Variants in IPCEF1 observed in about 807,000 individuals in gnomAD.
The protein encoded by IPCEF1 is interactor protein for cytohesin exchange factors 1.
Under a neutral mutation model 50.9 loss-of-function variants are expected in IPCEF1, and 31 were observed. That is an observed-to-expected ratio of 0.61 (90% CI 0.46 to 0.82). The LOEUF is 0.82. IPCEF1 is among the 40% of genes least tolerant of loss of function. The pLI is 0.00. For synonymous variants in IPCEF1, 181 were observed against 192.0 expected (o/e 0.94, Z 0.47); for missense variants, 458 against 514.0 (o/e 0.89, Z 1.05).
At chr6:154,176,497 GC>G (rs573017812) in intron 10 of IPCEF1, among the ~76,000 whole-genome samples, 257 of 152,182 alleles carry the variant, frequency 1.7e-3, no homozygotes, top group African/African-American at 5.7e-3. Flanking sequence ...AAATCAATGT[GC>G]AAAAATCACA....
At chr6:154,268,921 C>A (rs1369079869) in intron 2 of IPCEF1, among the ~76,000 whole-genome samples, 1 of 152,146 alleles carries the variant, frequency 6.6e-6, no homozygotes, top group African/African-American at 2.4e-5. Context: ...TGGGAGAGAT[C>A]GATCCCCTTT....
Position 154,355,814 on chromosome 6 carries a change from C to CT in IPCEF1, c.-62+857dup, listed in dbSNP as rs75948011. Among the ~76,000 whole-genome samples, 1,185 of 146,342 alleles carry CT rather than the reference C, an allele frequency of 8.1e-3. 6 individuals carry two copies. Among genetic ancestry groups the CT allele is most frequent in the Middle Eastern group, 0.032 (9 of 284 alleles). Reference sequence around the variant, plus strand: ...TTCTATTTTCTATTTTCTTTTCTTTCTTTTTTTTTTTCTTCCTGTAGAGAT... The same window carrying CT: ...TTCTATTTTCTATTTTCTTTTCTTTCTTTTTTTTTTTTCTTCCTGTAGAGAT... On this transcript the variant is annotated intron_variant, in intron 1 of 11. Transcript: ENST00000367220.
chr6:154,241,931 G>A (rs780261852), intron 5 of IPCEF1, among the ~76,000 whole-genome samples: 107 of 152,132 alleles, frequency 7.0e-4, no homozygotes, highest in Non-Finnish European at 1.1e-3. Flanking sequence ...GCAGCCTGGG[G>A]AAAAGAGCCT....
At chr6:154,284,792 G>A (rs1304098619) in intron 2 of IPCEF1, among the ~76,000 whole-genome samples, 3 of 152,156 alleles carry the variant, frequency 2.0e-5, no homozygotes, top group Non-Finnish European at 4.4e-5. Flanking sequence ...ACAAGGTCAG[G>A]AGATCAAGAC....
intron 2 of IPCEF1, among the ~76,000 whole-genome samples, chr6:154,287,158 TC>T (rs1028586795): frequency 1.1e-5 from 1 of 91,434 alleles, no homozygotes. Context: ...TGCCCTTCTC[TC>T]CCTCTCTCTC....
intron 11 of IPCEF1, among the ~76,000 whole-genome samples, 192 bp downstream of exon 11, chr6:154,167,718 AACTGCCTTGG>A (rs561976699): frequency 1.0e-3 from 155 of 152,266 alleles, no homozygotes; most frequent in African/African-American, 3.3e-3. Context: ...TATTGTGAAA[AACTGCCTTGG>A]GCGCTACTGT....
intron 9 of IPCEF1, among the ~76,000 whole-genome samples, chr6:154,205,633 T>G (rs1263162237): frequency 6.6e-6 from 1 of 152,100 alleles, no homozygotes; most frequent in African/African-American, 2.4e-5. Context: ...ACACATTAAT[T>G]TATTATGTAT....
chr6:154,295,000 C>T (rs1381657687), intron 1 of IPCEF1, among the ~76,000 whole-genome samples: 1 of 152,126 alleles, frequency 6.6e-6, no homozygotes, highest in African/African-American at 2.4e-5. Flanking sequence ...AGATCGAGAC[C>T]AGCCTGGCTA....
intron 3 of IPCEF1, among the ~76,000 whole-genome samples, chr6:154,260,190 G>A (rs1263448501): frequency 2.6e-5 from 4 of 152,304 alleles, no homozygotes; most frequent in Admixed American, 2.0e-4. Flanking sequence ...ACAGGTGAGA[G>A]TCCAGGCAAC....
intron 1 of IPCEF1, among the ~76,000 whole-genome samples, chr6:154,329,723 A>T (rs537969485): frequency 2.6e-5 from 4 of 150,968 alleles, no homozygotes; most frequent in Admixed American, 6.6e-5. Context: ...AGAAAGTGAA[A>T]TTTTTTTTTT....
intron 5 of IPCEF1, among the ~76,000 whole-genome samples, chr6:154,238,169 T>C (rs1780289672): frequency 6.6e-6 from 1 of 152,228 alleles, no homozygotes; most frequent in African/African-American, 2.4e-5. Context: ...TATGATATTA[T>C]TTTATTTTTG....
At chr6:154,204,695 A>T (rs1777342388) in intron 9 of IPCEF1, among the ~76,000 whole-genome samples, 1 of 152,158 alleles carries the variant, frequency 6.6e-6, no homozygotes, top group Non-Finnish European at 1.5e-5. Flanking sequence ...GTACCATTCT[A>T]GTGGCTTCCT....
At chr6:154,186,183 C>T (rs1445313773) in intron 10 of IPCEF1, among the ~76,000 whole-genome samples, 1 of 152,256 alleles carries the variant, frequency 6.6e-6, no homozygotes, top group African/African-American at 2.4e-5. Context: ...TCCACACAGA[C>T]TTGACTTCTC....
rs986530401 is a variant in IPCEF1 at position 154,311,106 on chromosome 6, C to T, written c.-61-21350G>A. Among the ~76,000 whole-genome samples, 5 of 152,206 alleles carry T rather than the reference C, an allele frequency of 3.3e-5. No individual in the cohort carries two copies. The South Asian group carries it at 1.0e-3, about 32-fold the overall frequency. On this transcript the variant is annotated intron_variant, in intron 1 of 11. Coordinates refer to ENST00000367220, the MANE Select transcript of IPCEF1 (RefSeq NM_001130700.2). ...AATGTATACATAAATCAAAACAACA[C>T]ATTGTAACCCATAAATATGCACAAT...
At chr6:154,331,411 G>GAGAGAGAGAA (rs1554225615) in intron 1 of IPCEF1, among the ~76,000 whole-genome samples, 30 of 121,636 alleles carry the variant, frequency 2.5e-4, no homozygotes, top group East Asian at 1.4e-3. Flanking sequence ...AAGAAAGAGA[G>GAGAGAGAGAA]AGAAAAAGAA....
At chr6:154,307,894 C>G (rs1429620698) in intron 1 of IPCEF1, among the ~76,000 whole-genome samples, 1 of 152,194 alleles carries the variant, frequency 6.6e-6, no homozygotes, top group African/African-American at 2.4e-5. Flanking sequence ...TCCAACTTGG[C>G]ATCCTCACAT....
intron 1 of IPCEF1, among the ~76,000 whole-genome samples, chr6:154,331,925 G>C (rs1409231472): frequency 6.6e-6 from 1 of 152,086 alleles, no homozygotes; most frequent in Non-Finnish European, 1.5e-5. Context: ...TAGGGCACTT[G>C]GTTTTCTCAA....
chr6:154,329,530 G>A (rs138917821), intron 1 of IPCEF1, among the ~76,000 whole-genome samples: 3,204 of 151,844 alleles, frequency 0.021, 60 homozygotes, highest in Non-Finnish European at 0.032. Context: ...CCAGGAGGCT[G>A]CAGTGAGCCA....
intron 2 of IPCEF1, among the ~76,000 whole-genome samples, chr6:154,272,312 T>C (rs1781919683): frequency 6.6e-6 from 1 of 152,248 alleles, no homozygotes; most frequent in Non-Finnish European, 1.5e-5. Context: ...CTAAAGGGAT[T>C]GAACAAGTGT....
Sources: allele counts gnomAD v4.1 joint callset (sites outside exome capture counted in the v4.1 genomes callset), GRCh38; gene constraint gnomAD v4.1.1; transcripts MANE v1.5; gene names NCBI Gene and HGNC (gene_info 2026-07-23, HGNC 2026-07-21).